The following ZNF618 variants were observed in gnomAD, a reference collection of about 807,000 sequenced individuals.
ZNF618 encodes zinc finger protein 618, also known as neural precursor cell expressed, developmentally down-regulated 10.
In ZNF618, 34 loss-of-function variants were observed where a neutral mutation model predicts 103.0. That is an observed-to-expected ratio of 0.33 (90% confidence interval 0.25 to 0.44). The LOEUF (loss-of-function observed/expected upper bound fraction) is 0.44, where lower values mean the gene tolerates loss of function less well. ZNF618 is among the 20% of genes least tolerant of loss of function. The pLI, the probability that ZNF618 is intolerant of heterozygous loss-of-function variation, is 1.00. For synonymous variants in ZNF618, 551 were observed against 542.2 expected, an observed-to-expected ratio of 1.02 and a Z score of -0.23; for missense variants, 1,059 against 1,295.4, an observed-to-expected ratio of 0.82 and a Z score of 2.80.
rs189799746 is a variant in ZNF618 at position 113,886,106 on chromosome 9, T to G, written c.33+9693T>G. 1.9e-4 allele frequency among the ~76,000 whole-genome samples: 29 copies of G among 152,274 alleles called. No homozygotes were observed. The East Asian group carries it at 5.4e-3, about 28-fold the overall frequency. ...CTGGTGTCTCCCCCAGGGGTGGAAA[T>G]GGCTCCTGCAAAGTGGAGGAGGCCT... On this transcript the variant is annotated intron_variant, in intron 1 of 14. Coordinates refer to ENST00000374126, the MANE Select transcript of ZNF618 (RefSeq NM_001318042.2).
chr9:114,010,234 G>A (rs1015742319), intron 9 of ZNF618, among the ~76,000 whole-genome samples: 8 of 151,562 alleles, frequency 5.3e-5, no homozygotes, highest in African/African-American at 1.7e-4. Context: ...CCGGGAGGTG[G>A]AGGTTGCATT....
intron 1 of ZNF618, among the ~76,000 whole-genome samples, chr9:113,967,608 A>T (rs1302657637): frequency 6.6e-6 from 1 of 152,168 alleles, no homozygotes; most frequent in Non-Finnish European, 1.5e-5. Flanking sequence ...TAGCTGTGGG[A>T]CTTTTGATAA....
intron 1 of ZNF618, among the ~76,000 whole-genome samples, chr9:113,919,716 C>T (rs893265205): frequency 6.6e-6 from 1 of 152,144 alleles, no homozygotes; most frequent in Non-Finnish European, 1.5e-5. Flanking sequence ...CAGACAGACT[C>T]CTGTGTTCTT....
intron 1 of ZNF618, among the ~76,000 whole-genome samples, chr9:113,932,722 A>G (rs1327122560): frequency 6.6e-6 from 1 of 152,088 alleles, no homozygotes; most frequent in Non-Finnish European, 1.5e-5. Flanking sequence ...TGGGAGCACC[A>G]TTGCTAGATG....
At chr9:113,921,998 A>G (rs4979299) in intron 1 of ZNF618, among the ~76,000 whole-genome samples, 5,386 of 152,252 alleles carry the variant, frequency 0.035, 554 homozygotes, top group East Asian at 0.3. Flanking sequence ...AATCACCCAT[A>G]ACTTTCCCAT....
chr9:113,922,800 G>C (rs540750084), intron 1 of ZNF618, among the ~76,000 whole-genome samples: 1 of 152,086 alleles, frequency 6.6e-6, no homozygotes, highest in Non-Finnish European at 1.5e-5. Context: ...TTGCCTTTCA[G>C]TATATACACT....
intron 1 of ZNF618, among the ~76,000 whole-genome samples, chr9:113,885,763 T>C (rs186782767): frequency 1.3e-5 from 2 of 152,284 alleles, no homozygotes; most frequent in East Asian, 3.9e-4. Flanking sequence ...AGAAAGTGCT[T>C]CATGAACAGC....
intron 13 of ZNF618, among the ~76,000 whole-genome samples, chr9:114,043,308 G>T (rs781521290): frequency 2.0e-5 from 3 of 152,222 alleles, no homozygotes; most frequent in Non-Finnish European, 2.9e-5. Flanking sequence ...TTGCCAGATT[G>T]TTTCCTAAAG....
At chr9:113,883,665 A>G (rs1336494789) in intron 1 of ZNF618, among the ~76,000 whole-genome samples, 1 of 152,192 alleles carries the variant, frequency 6.6e-6, no homozygotes. Context: ...ACGTTTTATA[A>G]AATGCTGTCA....
intron 3 of ZNF618, among the ~76,000 whole-genome samples, chr9:113,996,221 T>C (rs1840577689): frequency 6.6e-6 from 1 of 152,170 alleles, no homozygotes; most frequent in Admixed American, 6.5e-5. Flanking sequence ...TCCTGTTGCA[T>C]GTTTGAACAG....
intron 10 of ZNF618, 25 bp downstream of exon 10, chr9:114,016,809 TG>T: frequency 6.3e-7 from 1 of 1,579,394 alleles, no homozygotes; most frequent in Non-Finnish European, 8.7e-7. Flanking sequence ...CCGGTAGGGA[TG>T]GGGGTTGGGG....
intron 3 of ZNF618, 28 bp from the exon 4 acceptor site, chr9:113,998,231 G>T: frequency 6.5e-7 from 1 of 1,547,760 alleles, no homozygotes; most frequent in South Asian, 1.2e-5. Context: ...AACTTTAAGG[G>T]CTCTTTCTGA....
At chr9:113,917,068 A>T (rs1238549067) in intron 1 of ZNF618, among the ~76,000 whole-genome samples, 1 of 152,142 alleles carries the variant, frequency 6.6e-6, no homozygotes, top group East Asian at 1.9e-4. Context: ...GAGCTGAGAT[A>T]TTGCCACAGT....
At chr9:114,034,923 G>C (rs1021718097) in intron 12 of ZNF618, among the ~76,000 whole-genome samples, 1 of 152,192 alleles carries the variant, frequency 6.6e-6, no homozygotes, top group African/African-American at 2.4e-5. Flanking sequence ...CTCTTTCAGA[G>C]TGTAGGGTGT....
At chr9:113,968,808 A>G (rs375215118) in intron 1 of ZNF618, among the ~76,000 whole-genome samples, 2 of 152,240 alleles carry the variant, frequency 1.3e-5, no homozygotes, top group Admixed American at 6.5e-5. Context: ...GTGCAATTCA[A>G]TCTCAGATTT....
intron 2 of ZNF618, among the ~76,000 whole-genome samples, chr9:113,987,647 G>A (rs140710909): frequency 1.9e-3 from 285 of 152,330 alleles, no homozygotes; most frequent in African/African-American, 6.5e-3. Flanking sequence ...CGCCCAAAGC[G>A]TAGTTTGAGG....
intron 3 of ZNF618, among the ~76,000 whole-genome samples, chr9:113,993,310 T>C (rs1301243098): frequency 2.6e-5 from 4 of 152,228 alleles, no homozygotes; most frequent in East Asian, 1.9e-4. Context: ...ACACTGCGAA[T>C]TGATTACTGT....
chr9:114,028,798 G>A lies in ZNF618; in HGVS notation c.910G>A (p.Val304Ile), dbSNP rs1843739071. The stretch of plus-strand genomic sequence containing the variant: ...GGGCTCTGAGTGTTCACATCCAGAG[G>A]TCTCCCCATCTCCACGCTTCGTGGC... The part of the protein sequence containing the change: ...DTGSECSHPE[V>I]SPSPRFVAAK... The change falls in exon 11 of 15, where the codon GTC becomes ATC. Residue 304 changes from valine (V) to isoleucine (I), a missense_variant. Val to Ile is a conservative substitution (Grantham distance 29). Around this residue, in one of 6 missense-constraint regions of ZNF618, gnomAD observed 434 missense variants for 476.0 expected, o/e 0.91. Coordinates refer to ENST00000374126, the MANE Select transcript of ZNF618 (RefSeq NM_001318042.2). 1 of 1,550,438 alleles carries A rather than the reference G, an allele frequency of 6.4e-7. No individual in the cohort carries two copies. The highest frequency in any genetic ancestry group is 8.7e-7 in the Non-Finnish European group (1 of 1,146,992).
At chr9:113,882,789 C>T (rs1254803799) in intron 1 of ZNF618, among the ~76,000 whole-genome samples, 4 of 152,170 alleles carry the variant, frequency 2.6e-5, no homozygotes, top group Non-Finnish European at 4.4e-5. Context: ...CATGCTGGGG[C>T]CCTTGCCTCT....
Sources: allele counts gnomAD v4.1 joint callset (sites outside exome capture counted in the v4.1 genomes callset), GRCh38; gene constraint gnomAD v4.1.1; regional missense constraint gnomAD v4.1.1; transcripts MANE v1.5; gene names NCBI Gene and HGNC (gene_info 2026-07-23, HGNC 2026-07-21).